TMOD3: variants seen among roughly 807,000 people sequenced by gnomAD.
The protein encoded by TMOD3 is tropomodulin-3.
Under a neutral mutation model 39.2 loss-of-function variants are expected in TMOD3, and 20 were observed. The ratio of observed to expected loss-of-function variants is 0.51; its 90% CI spans 0.36 to 0.74. The LOEUF is 0.74. TMOD3 is among the 30% of genes least tolerant of loss of function. The pLI is 0.00. For missense variants in TMOD3, 381 were observed against 412.8 expected (o/e 0.92, Z 0.67); for synonymous variants, 143 against 145.8 (o/e 0.98, Z 0.14).
Position 51,887,674 on chromosome 15 carries a change from GA to G in TMOD3, c.370del (p.Thr124GlnfsTer20). 1.9e-6 allele frequency: 3 copies of G among 1,613,962 alleles called. No individual in the cohort carries two copies. The highest frequency in any genetic ancestry group is 1.7e-6 in the Non-Finnish European group (2 of 1,179,946). On this transcript the variant is annotated frameshift_variant, in exon 4 of 10. Coordinates refer to ENST00000308580, the MANE Select transcript of TMOD3 (RefSeq NM_014547.5). LOFTEE classifies it high-confidence loss of function. ...TTGATCCAGAATTAGAAGAAGCTTT[GA>G]CAAGTGCTTCTGATACAGAATTGTG... Reference protein sequence around the residue: ...SLDPELEEALTSASDTELCDL... With the variant: ...SLDPELEEALXSASDTELCDL...
chr15:51,868,737 C>T (rs2056460007), intron 2 of TMOD3, among the ~76,000 whole-genome samples: 1 of 152,096 alleles, frequency 6.6e-6, no homozygotes, highest in African/African-American at 2.4e-5. Context: ...TTTGGGCAGC[C>T]GAGGAGGGCA....
At chr15:51,905,950 C>CAAAAAAAA (rs869172248) in intron 9 of TMOD3, among the ~76,000 whole-genome samples, 37 of 64,748 alleles carry the variant, frequency 5.7e-4, no homozygotes, top group South Asian at 1.5e-3. Context: ...GACTCCGTCT[C>CAAAAAAAA]AAAAAAAAAA....
intron 9 of TMOD3, among the ~76,000 whole-genome samples, chr15:51,906,904 C>T (rs1008881536): frequency 6.6e-6 from 1 of 151,818 alleles, no homozygotes; most frequent in Non-Finnish European, 1.5e-5. Context: ...CCTGTAATCC[C>T]AGCTACTCGG....
At chr15:51,843,410 C>T (rs559186430) in intron 1 of TMOD3, among the ~76,000 whole-genome samples, 103 of 152,002 alleles carry the variant, frequency 6.8e-4, no homozygotes, top group African/African-American at 2.4e-3. Context: ...CAAAATCACC[C>T]GAGAAACTGT....
intron 3 of TMOD3, among the ~76,000 whole-genome samples, chr15:51,877,963 A>C (rs912023185): frequency 1.3e-5 from 2 of 151,954 alleles, no homozygotes; most frequent in Admixed American, 1.3e-4. Flanking sequence ...CTGAACACTC[A>C]GTGTGACCCT....
chr15:51,878,376 A>ATGTGTGTGTGTGTG (rs10586896), intron 3 of TMOD3, among the ~76,000 whole-genome samples: 8,764 of 147,334 alleles, frequency 0.059, 347 homozygotes, highest in Admixed American at 0.084. Flanking sequence ...TTTAAAATAT[A>ATGTGTGTGTGTGTG]TGTGTGTGTG....
chr15:51,866,509 C>T lies in TMOD3; in HGVS notation c.127-2708C>T, dbSNP rs141357932. Among the ~76,000 whole-genome samples the T allele has an allele frequency of 4.4e-4, 66 of 151,534 alleles. 1 individual carries two copies. The highest frequency in any genetic ancestry group is 1.5e-3 in the African/African-American group (63 of 41,250). ...AAAAAGGCTTTCTAAGGAGCCAGACCAAAAAGAAAGAAAGAAAAAAAAGGC... is the reference window on the plus strand; with the variant it reads ...AAAAAGGCTTTCTAAGGAGCCAGACTAAAAAGAAAGAAAGAAAAAAAAGGC... On this transcript the variant is annotated intron_variant, in intron 2 of 9. Coordinates refer to ENST00000308580, the MANE Select transcript of TMOD3 (RefSeq NM_014547.5).
At chr15:51,897,049 T>G (rs1176203451) in intron 7 of TMOD3, among the ~76,000 whole-genome samples, 1 of 152,240 alleles carries the variant, frequency 6.6e-6, no homozygotes, top group East Asian at 1.9e-4. Context: ...GGTATAAACC[T>G]TTTGTTTCAT....
Position 51,896,158 on chromosome 15 carries a change from A to T in TMOD3, c.628-261A>T, listed in dbSNP as rs2056619492. Among the ~76,000 whole-genome samples the T allele has an allele frequency of 2.0e-5, 3 of 152,084 alleles. No individual in the cohort carries two copies. The South Asian group carries it at 6.2e-4, about 32-fold the overall frequency. On this transcript the variant is annotated intron_variant, in intron 6 of 9. Transcript: ENST00000308580. ...ATAATGAAAGGTGAGAATAATGAGA[A>T]TTTTTTTTAACCTAAATGCTAGAGA...
At chr15:51,886,815 C>A (rs1294864144) in intron 3 of TMOD3, among the ~76,000 whole-genome samples, 1 of 152,186 alleles carries the variant, frequency 6.6e-6, no homozygotes, top group East Asian at 1.9e-4. Context: ...CCAAAAATTT[C>A]AGAATACCAC....
At chr15:51,840,432 A>G (rs2056307579) in intron 1 of TMOD3, among the ~76,000 whole-genome samples, 1 of 152,208 alleles carries the variant, frequency 6.6e-6, no homozygotes, top group South Asian at 2.1e-4. Context: ...TGTGTTAGGT[A>G]CTGTTCTAAG....
intron 1 of TMOD3, among the ~76,000 whole-genome samples, chr15:51,837,311 C>G (rs2141666441): frequency 1.3e-5 from 2 of 152,180 alleles, no homozygotes; most frequent in South Asian, 4.1e-4. Flanking sequence ...GGCTTATATT[C>G]AGGCAGCCCT....
chr15:51,890,356 T>C (rs1053746914), intron 5 of TMOD3, among the ~76,000 whole-genome samples: 20 of 149,500 alleles, frequency 1.3e-4, no homozygotes, highest in African/African-American at 4.9e-4. Context: ...TTTTTTTTTT[T>C]AGTAGAGATG....
intron 1 of TMOD3, chr15:51,833,547 T>C (rs1288729828): frequency 6.6e-6 from 1 of 152,270 alleles, no homozygotes; most frequent in African/African-American, 2.4e-5. Flanking sequence ...AATCACTTCC[T>C]GACTCCATAG....
At chr15:51,888,214 C>T (rs1206659713) in intron 4 of TMOD3, among the ~76,000 whole-genome samples, 3 of 152,214 alleles carry the variant, frequency 2.0e-5, no homozygotes, top group Non-Finnish European at 4.4e-5. Flanking sequence ...AATTTCTTAT[C>T]TAGACCAGTA....
chr15:51,899,548 C>G (rs1184340218), intron 7 of TMOD3, among the ~76,000 whole-genome samples: 1 of 151,636 alleles, frequency 6.6e-6, no homozygotes, highest in Non-Finnish European at 1.5e-5. Flanking sequence ...CAACTGTAGT[C>G]TCAGCTACTC....
chr15:51,902,096 C>A, intron 9 of TMOD3, 60 bp downstream of exon 9: 4 of 1,562,962 alleles, frequency 2.6e-6, no homozygotes, highest in Non-Finnish European at 3.5e-6. Context: ...ATTGGGGGAA[C>A]TTCTTTCCCT....
Position 51,871,083 on chromosome 15 carries a change from G to A in TMOD3, c.283+1710G>A, listed in dbSNP as rs545652064. On this transcript the variant is annotated intron_variant, in intron 3 of 9. Transcript: ENST00000308580. ...CAAAAAACCTTCATGAAAACGTTTA[G>A]AACAATGTTTGAGAAAATAGCTGGG... Among the ~76,000 whole-genome samples the A allele has an allele frequency of 9.2e-5, 14 of 152,232 alleles. No individual in the cohort carries two copies. The South Asian group carries it at 1.9e-3, about 20-fold the overall frequency.
chr15:51,896,272 A>G (rs2056620083), intron 6 of TMOD3, 147 bp from the exon 7 acceptor site: 1 of 587,172 alleles, frequency 1.7e-6, no homozygotes, highest in Admixed American at 3.0e-5. Context: ...AAGCTGCATT[A>G]TTTGTATTCA....
Sources: gnomAD v4.1 joint callset for allele counts (sites outside exome capture counted in the v4.1 genomes callset) on GRCh38, gnomAD v4.1.1 for gene constraint, MANE v1.5 for transcripts, NCBI Gene and HGNC (gene_info 2026-07-23, HGNC 2026-07-21) for gene names.